ZNF804A: variants seen among roughly 807,000 people sequenced by gnomAD.
ZNF804A encodes the protein zinc finger protein 804A.
Under a neutral mutation model 16.5 loss-of-function variants are expected in ZNF804A, and 2 were observed. The observed-to-expected ratio is 0.12, with a 90% CI of 0.05 to 0.38. The LOEUF (loss-of-function observed/expected upper bound fraction) is 0.38, where lower values mean the gene tolerates loss of function less well. Ranked by LOEUF, ZNF804A falls within the 10% of genes least tolerant of loss-of-function variation. The pLI, the probability that ZNF804A is intolerant of heterozygous loss-of-function variation, is 0.99. For missense variants in ZNF804A, 1,473 were observed against 1,390.7 expected, an observed-to-expected ratio of 1.06 and a Z score of -0.94; for synonymous variants, 534 against 489.6, an observed-to-expected ratio of 1.09 and a Z score of -1.20.
At chr2:184,714,252 A>G (rs189254009) in intron 1 of ZNF804A, among the ~76,000 whole-genome samples, 71 of 152,118 alleles carry the variant, frequency 4.7e-4, no homozygotes, top group Non-Finnish European at 1.8e-4. Flanking sequence ...CTTTCTGTTC[A>G]TCTTACTCCC....
intron 1 of ZNF804A, among the ~76,000 whole-genome samples, chr2:184,672,772 C>T (rs566024383): frequency 1.3e-4 from 19 of 149,868 alleles, no homozygotes; most frequent in South Asian, 1.3e-3. Context: ...TTCTTTCGTT[C>T]GTTTTGTCAC....
chr2:184,826,860 G>A lies in ZNF804A; in HGVS notation c.112-39509G>A, dbSNP rs185477521. 4.4e-3 allele frequency among the ~76,000 whole-genome samples: 663 copies of A among 152,102 alleles called. 2 individuals carry two copies. Among genetic ancestry groups the A allele is most frequent in the Middle Eastern group, 6.8e-3 (2 of 294 alleles). The stretch of plus-strand genomic sequence containing the variant: ...ACAAATTTTTGAAAAATGACAAACG[G>A]CATGACCTAGGAAACAGTTAAGTCC... On this transcript the variant is annotated intron_variant, in intron 1 of 3. Coordinates refer to ENST00000302277, the MANE Select transcript of ZNF804A (RefSeq NM_194250.2).
Position 184,939,093 on chromosome 2 carries a change from A to C in ZNF804A, c.*67A>C, listed in dbSNP as rs1466361034. On this transcript the variant is annotated 3_prime_UTR_variant, in exon 4 of 4. Coordinates refer to ENST00000302277, the MANE Select transcript of ZNF804A (RefSeq NM_194250.2). ...TGCTATATGCGTTAAGTGTTCATCTATGTGGGTACATGGCTATTTAACTGG... is the reference window on the plus strand; with the variant it reads ...TGCTATATGCGTTAAGTGTTCATCTCTGTGGGTACATGGCTATTTAACTGG... 6.5e-7 allele frequency: 1 copy of C among 1,547,422 alleles called. No individual in the cohort carries two copies. The highest frequency in any genetic ancestry group is 8.8e-7 in the Non-Finnish European group (1 of 1,142,578).
intron 1 of ZNF804A, 105 bp downstream of exon 1, chr2:184,599,175 AT>A (rs996103210): frequency 7.7e-6 from 7 of 911,818 alleles, no homozygotes; most frequent in South Asian, 5.9e-5. Flanking sequence ...TAATTTACTC[AT>A]TTTTTTATCT....
intron 1 of ZNF804A, among the ~76,000 whole-genome samples, chr2:184,816,035 A>G (rs1326619354): frequency 6.6e-6 from 1 of 152,092 alleles, no homozygotes; most frequent in Non-Finnish European, 1.5e-5. Flanking sequence ...CAAATGCATT[A>G]TGAACACAGA....
intron 1 of ZNF804A, among the ~76,000 whole-genome samples, chr2:184,643,855 G>A (rs930262422): frequency 5.3e-5 from 8 of 151,430 alleles, no homozygotes; most frequent in East Asian, 3.9e-4. Flanking sequence ...TTGGAAAACC[G>A]AACAGAACCT....
At chr2:184,819,786 A>T (rs186570527) in intron 1 of ZNF804A, among the ~76,000 whole-genome samples, 17 of 152,188 alleles carry the variant, frequency 1.1e-4, no homozygotes, top group African/African-American at 3.1e-4. Context: ...AATACTATAA[A>T]CACCTCTATG....
At chr2:184,778,774 G>T (rs144478560) in intron 1 of ZNF804A, among the ~76,000 whole-genome samples, 19 of 151,702 alleles carry the variant, frequency 1.3e-4, no homozygotes, top group African/African-American at 3.9e-4. Flanking sequence ...TGATGTTGGA[G>T]GTACAGAGGA....
chr2:184,846,718 C>G (rs889752866), intron 1 of ZNF804A, among the ~76,000 whole-genome samples: 1 of 152,014 alleles, frequency 6.6e-6, no homozygotes, highest in African/African-American at 2.4e-5. Context: ...GGTGACTAAT[C>G]TAACTCGGTG....
At chr2:184,671,164 C>G (rs1692334109) in intron 1 of ZNF804A, among the ~76,000 whole-genome samples, 1 of 152,120 alleles carries the variant, frequency 6.6e-6, no homozygotes, top group African/African-American at 2.4e-5. Context: ...ACAAGGTGTG[C>G]CACCTAAAGT....
At chr2:184,651,867 T>C (rs2105700862) in intron 1 of ZNF804A, among the ~76,000 whole-genome samples, 1 of 152,278 alleles carries the variant, frequency 6.6e-6, no homozygotes, top group African/African-American at 2.4e-5. Context: ...TCAGCTTCTG[T>C]AGAAAGCAGT....
At chr2:184,755,045 C>G (rs966257899) in intron 1 of ZNF804A, among the ~76,000 whole-genome samples, 1 of 151,770 alleles carries the variant, frequency 6.6e-6, no homozygotes. Flanking sequence ...TTTATAATTT[C>G]GGATGAGATT....
At chr2:184,726,673 A>C (rs890579315) in intron 1 of ZNF804A, among the ~76,000 whole-genome samples, 5 of 151,742 alleles carry the variant, frequency 3.3e-5, no homozygotes, top group African/African-American at 1.2e-4. Flanking sequence ...CTTCGTATTA[A>C]AATTGCATTC....
intron 1 of ZNF804A, among the ~76,000 whole-genome samples, chr2:184,715,247 G>T (rs73978074): frequency 0.03 from 4,562 of 152,242 alleles, 231 homozygotes; most frequent in African/African-American, 0.1. Flanking sequence ...AGGACTAGGT[G>T]ACACAGACAT....
chr2:184,615,843 G>C (rs1052651556), intron 1 of ZNF804A, among the ~76,000 whole-genome samples: 2 of 152,100 alleles, frequency 1.3e-5, no homozygotes, highest in Non-Finnish European at 2.9e-5. Flanking sequence ...GCTGCAGCAG[G>C]GTTAAGAGAA....
intron 1 of ZNF804A, among the ~76,000 whole-genome samples, chr2:184,607,805 A>G (rs979496808): frequency 2.0e-5 from 3 of 152,154 alleles, no homozygotes; most frequent in Non-Finnish European, 4.4e-5. Flanking sequence ...AATATACAAA[A>G]TATGTACAGA....
chr2:184,603,028 C>T (rs1415257239), intron 1 of ZNF804A, among the ~76,000 whole-genome samples: 1 of 152,136 alleles, frequency 6.6e-6, no homozygotes, highest in Non-Finnish European at 1.5e-5. Flanking sequence ...TACTCATCCT[C>T]CACATGCAAA....
chr2:184,647,109 T>C (rs918400605), intron 1 of ZNF804A, among the ~76,000 whole-genome samples: 1 of 152,084 alleles, frequency 6.6e-6, no homozygotes, highest in African/African-American at 2.4e-5. Flanking sequence ...TCTAAAGAAA[T>C]GCATAGGTTT....
intron 1 of ZNF804A, among the ~76,000 whole-genome samples, chr2:184,718,364 C>T (rs1399712114): frequency 6.6e-6 from 1 of 152,100 alleles, no homozygotes; most frequent in African/African-American, 2.4e-5. Flanking sequence ...TCAACCACTT[C>T]CAAATCTCAT....
Sources: gnomAD v4.1 joint callset for allele counts (sites outside exome capture counted in the v4.1 genomes callset) on GRCh38, gnomAD v4.1.1 for gene constraint, MANE v1.5 for transcripts, NCBI Gene and HGNC (gene_info 2026-07-23, HGNC 2026-07-21) for gene names.